ECHS1: variants seen among roughly 807,000 people sequenced by gnomAD.
The protein encoded by ECHS1 is enoyl-CoA hydratase, short chain 1, also known as enoyl-CoA hydratase, mitochondrial.
A neutral mutation model predicts 33.5 loss-of-function variants in ECHS1; 19 were observed. The observed-to-expected ratio is 0.57, with a 90% confidence interval of 0.40 to 0.83. The LOEUF (loss-of-function observed/expected upper bound fraction) is 0.83. Among genes scored for constraint, ECHS1 ranks in the 40% least tolerant of loss-of-function variants. The pLI, the probability that ECHS1 is intolerant of heterozygous loss-of-function variation, is 0.00. For synonymous variants in ECHS1, 158 were observed against 146.6 expected (o/e 1.08, Z -0.56); for missense variants, 365 against 381.3 (o/e 0.96, Z 0.36).
intron 1 of ECHS1, among the ~76,000 whole-genome samples, chr10:133,372,131 G>T (rs1406883346): frequency 6.6e-6 from 1 of 152,232 alleles, no homozygotes; most frequent in Non-Finnish European, 1.5e-5. Context: ...AAGATCACAG[G>T]TGAAGTGTCT....
chr10:133,364,143 T>C (rs114624802), intron 7 of ECHS1, among the ~76,000 whole-genome samples: 3,791 of 152,060 alleles, frequency 0.025, 152 homozygotes, highest in African/African-American at 0.085. Flanking sequence ...ACGGGTTTCG[T>C]CATGTTGCCC....
intron 4 of ECHS1, among the ~76,000 whole-genome samples, chr10:133,367,929 T>C (rs1168693738): frequency 1.3e-5 from 2 of 152,126 alleles, no homozygotes; most frequent in Admixed American, 6.5e-5. Flanking sequence ...TGTCAATCAC[T>C]TAGAGGATTC....
At chr10:133,362,964 GA>G (rs1848983728) in intron 7 of ECHS1, 31 bp from the exon 8 acceptor site, 2 of 1,611,770 alleles carry the variant, frequency 1.2e-6, no homozygotes. Context: ...AACAGAGCTG[GA>G]CGCGCAGTAT....
At chr10:133,363,633 A>T (rs1287442693) in intron 7 of ECHS1, among the ~76,000 whole-genome samples, 1 of 152,016 alleles carries the variant, frequency 6.6e-6, no homozygotes, top group Non-Finnish European at 1.5e-5. Context: ...AAAATACAAA[A>T]ATTAGCCAGG....
chr10:133,369,106 T>A, intron 3 of ECHS1, 84 bp from the exon 4 acceptor site: 1 of 1,324,110 alleles, frequency 7.6e-7, no homozygotes, highest in Non-Finnish European at 1.1e-6. Context: ...ATTTTCCATT[T>A]AAAAGAAACA....
chr10:133,371,253 G>C (rs1305687162), intron 1 of ECHS1, among the ~76,000 whole-genome samples: 1 of 151,852 alleles, frequency 6.6e-6, no homozygotes, highest in Non-Finnish European at 1.5e-5. Flanking sequence ...CTCCAGCCTG[G>C]GTGACAGAGT....
At chr10:133,365,939 G>A (rs374404893) in intron 6 of ECHS1, 37 bp downstream of exon 6, 90 of 1,610,050 alleles carry the variant, frequency 5.6e-5, no homozygotes, top group Non-Finnish European at 6.9e-5. Flanking sequence ...TGACAGCCAC[G>A]GAGACCTCTC....
At chr10:133,368,039 C>T (rs1003377402) in intron 4 of ECHS1, among the ~76,000 whole-genome samples, 2 of 152,118 alleles carry the variant, frequency 1.3e-5, no homozygotes, top group African/African-American at 4.8e-5. Flanking sequence ...GGTATTGGTC[C>T]CCCAGGCCCA....
intron 6 of ECHS1, among the ~76,000 whole-genome samples, chr10:133,365,333 A>C (rs1157787469): frequency 6.6e-6 from 1 of 152,224 alleles, no homozygotes; most frequent in Non-Finnish European, 1.5e-5. Context: ...AGCCAACGGC[A>C]AGCCCGGGGG....
At chr10:133,372,795 A>G (rs1479592822) in intron 1 of ECHS1, among the ~76,000 whole-genome samples, 4 of 75,180 alleles carry the variant, frequency 5.3e-5, no homozygotes, top group African/African-American at 2.2e-4. Flanking sequence ...GGGGTGCAGC[A>G]CTAGGCGAGG....
rs943347201 is a variant in ECHS1, at chr10:133,362,637, G to A, written c.*231C>T. 7.0e-6 allele frequency: 4 copies of A among 573,630 alleles called. No homozygotes were observed. In the East Asian group the frequency reaches 9.0e-5, roughly 13 times the overall value. 35.5% of individuals were successfully genotyped at this position (573,630 alleles called of 1,614,324 possible). Reference sequence around the variant, plus strand: ...CAGCATGCCCAGAGGGACCAGCGGGGGCTCCTCAGCAGAATCTTAGATTTA... The same window carrying A: ...CAGCATGCCCAGAGGGACCAGCGGGAGCTCCTCAGCAGAATCTTAGATTTA... On this transcript the variant is annotated 3_prime_UTR_variant, in exon 8 of 8. Transcript: ENST00000368547.
At chr10:133,371,543 C>T (rs146121503) in intron 1 of ECHS1, 30 of 154,646 alleles carry the variant, frequency 1.9e-4, no homozygotes, top group African/African-American at 7.0e-4. Flanking sequence ...TGTGAAAATC[C>T]TGGGTGTTCC....
In ECHS1 at chr10:133,366,003, C is replaced by T. The variant is rs142639185; in HGVS notation, c.712G>A (p.Ala238Thr). Residue 238 changes from alanine to threonine, a missense_variant, in exon 6 of 8, where the codon GCG (alanine) becomes ACG (threonine). Ala to Thr is a moderately conservative substitution (Grantham distance 58). Transcript: ENST00000368547. ...GCATTCACTGATTCTTTGGCCATCG[C>T]TACTACAATTTTAGAATTGCTGGCA... ...KIASNSKIVV[A>T]MAKESVNAAF... 1.2e-6 allele frequency: 2 copies of T among 1,614,002 alleles called. No homozygotes were observed. Among genetic ancestry groups the T allele is most frequent in the Non-Finnish European group, 1.7e-6 (2 of 1,180,032 alleles).
chr10:133,371,653 T>C (rs916070324), intron 1 of ECHS1: 5 of 154,620 alleles, frequency 3.2e-5, no homozygotes, highest in African/African-American at 1.2e-4. Flanking sequence ...GACCTGCGCC[T>C]GCTGGGTGGA....
rs573418441 is a variant in ECHS1, at chr10:133,362,746, T to C, written c.*122A>G. On this transcript the variant is annotated 3_prime_UTR_variant, in exon 8 of 8. Coordinates refer to ENST00000368547, the MANE Select transcript of ECHS1 (RefSeq NM_004092.4). The stretch of plus-strand genomic sequence containing the variant: ...AGGTCGGGCCACGACCACGCAGCAA[T>C]TGGAGAGGAACTGCACACCACGGAC... The C allele has an allele frequency of 3.1e-4, 354 of 1,144,996 alleles. 1 individual carries two copies. In the South Asian group the frequency reaches 4.3e-3, roughly 14 times the overall value. 70.9% of individuals were successfully genotyped at this position (1,144,996 alleles called of 1,614,324 possible). A position where few individuals can be genotyped will look rare whatever the true frequency, so the allele number is the denominator to read the frequency against.
chr10:133,369,173 A>C (rs1849071902), intron 3 of ECHS1, 151 bp from the exon 4 acceptor site: 1 of 674,292 alleles, frequency 1.5e-6, no homozygotes, highest in Non-Finnish European at 2.5e-6. Flanking sequence ...AATTGTTATG[A>C]TAAGTTAACT....
chr10:133,370,221 G>A (rs1040065747), intron 2 of ECHS1, among the ~76,000 whole-genome samples, 190 bp from the exon 3 acceptor site: 25 of 152,242 alleles, frequency 1.6e-4, no homozygotes, highest in Non-Finnish European at 3.1e-4. Flanking sequence ...AAGTCACGCA[G>A]AGGGGCCCTG....
intron 4 of ECHS1, among the ~76,000 whole-genome samples, chr10:133,367,491 A>C (rs964995876): frequency 1.3e-5 from 2 of 151,678 alleles, no homozygotes. Context: ...TCACACCTGC[A>C]TAAGGGCCGC....
intron 7 of ECHS1, among the ~76,000 whole-genome samples, chr10:133,364,359 C>A (rs1347896830): frequency 1.3e-5 from 2 of 152,158 alleles, no homozygotes; most frequent in Non-Finnish European, 2.9e-5. Context: ...TCGACACCCA[C>A]CCGGCTGAAA....
Sources: allele counts gnomAD v4.1 joint callset (sites outside exome capture counted in the v4.1 genomes callset), GRCh38; gene constraint gnomAD v4.1.1; transcripts MANE v1.5; gene names NCBI Gene and HGNC (gene_info 2026-07-23, HGNC 2026-07-21).